Variants in TBC1D16 observed in about 807,000 individuals in gnomAD.
The protein encoded by TBC1D16 is CTD-2529O21.1.
In TBC1D16, 58 loss-of-function variants were observed where a neutral mutation model predicts 74.7. That is an observed-to-expected ratio of 0.78 (90% CI 0.63 to 0.97). The LOEUF (loss-of-function observed/expected upper bound fraction) is 0.97, where lower values mean the gene tolerates loss of function less well. TBC1D16 is among the 50% of genes least tolerant of loss of function. TBC1D16 has a pLI of 0.00. For missense variants in TBC1D16, 1,014 were observed against 1,079.5 expected (o/e 0.94, Z 0.85); for synonymous variants, 493 against 474.7 (o/e 1.04, Z -0.50).
At chr17:79,978,364 G>A (rs2144233379) in intron 3 of TBC1D16, among the ~76,000 whole-genome samples, 1 of 152,326 alleles carries the variant, frequency 6.6e-6, no homozygotes, top group East Asian at 1.9e-4. Flanking sequence ...GGAGGAAGCG[G>A]GCAGGCACAT....
At chr17:79,947,035 C>T (rs1233972150) in intron 9 of TBC1D16, among the ~76,000 whole-genome samples, 2 of 152,228 alleles carry the variant, frequency 1.3e-5, no homozygotes, top group Non-Finnish European at 2.9e-5. Flanking sequence ...AGCCCTGGTT[C>T]GGTCCCACAC....
intron 9 of TBC1D16, among the ~76,000 whole-genome samples, chr17:79,947,030 T>C (rs1364463635): frequency 1.3e-5 from 2 of 152,232 alleles, no homozygotes; most frequent in Non-Finnish European, 2.9e-5. Context: ...GGCTCAGCCC[T>C]GGTTCGGTCC....
In TBC1D16 at chr17:80,018,407, G is replaced by C. The variant is rs1021156000; in HGVS notation, c.-62-4798C>G. On this transcript the variant is annotated intron_variant, in intron 1 of 11. Transcript: ENST00000310924. ...CGCCATTCTCCTGCTTCAGCCTCCC[G>C]AGTAGCTGGGACTACAGGCGCCCGC... Among the ~76,000 whole-genome samples the C allele has an allele frequency of 9.4e-5, 14 of 148,730 alleles. 1 individual carries two copies. The highest frequency in any genetic ancestry group is 2.9e-4 in the African/African-American group (11 of 38,522).
In TBC1D16 at chr17:79,933,207, G is replaced by A. The variant is rs2031364888; in HGVS notation, c.*7652C>T. The A allele has an allele frequency of 6.6e-6, 1 of 152,242 alleles. No individual in the cohort carries two copies. The highest frequency in any genetic ancestry group is 2.1e-4 in the South Asian group (1 of 4,832). The allele number at this position is 152,242 out of a possible 1,614,324, so 9.4% of individuals were successfully genotyped here. ...GGGCATGGAAGTGGCCACAGGTCTG[G>A]ACTTCTCTGGGTGGATGTGAGGGAG... is the stretch of plus-strand genomic sequence containing the variant. On this transcript the variant is annotated 3_prime_UTR_variant, in exon 12 of 12. Transcript: ENST00000310924.
Position 80,013,581 on chromosome 17 carries a change from C to A in TBC1D16, c.-34G>T. ...AAGTGTTTCCATCCTCCGCATGCGT[C>A]GGCCCGGGCAGGGCTCGTCAAGACC... On this transcript the variant is annotated 5_prime_UTR_variant, in exon 2 of 12. Coordinates refer to ENST00000310924, the MANE Select transcript of TBC1D16 (RefSeq NM_019020.4). 6.8e-7 allele frequency: 1 copy of A among 1,460,030 alleles called. No individual in the cohort carries two copies. Among genetic ancestry groups the A allele is most frequent in the South Asian group, 1.4e-5 (1 of 69,876 alleles). The allele number at this position is 1,460,030 out of a possible 1,614,324, so 90.4% of individuals were successfully genotyped here. A position where few individuals can be genotyped will look rare whatever the true frequency, so the allele number is the denominator to read the frequency against.
intron 1 of TBC1D16, among the ~76,000 whole-genome samples, chr17:80,018,472 T>C (rs973505725): frequency 2.7e-5 from 4 of 149,380 alleles, no homozygotes; most frequent in South Asian, 2.1e-4. Flanking sequence ...TTAGTAGAGA[T>C]GGGGTTTCAC....
At position 79,983,507 on chromosome 17, in the gene TBC1D16, A is replaced by G. The variant is rs1007719103; in HGVS notation, c.779+26653T>C. On this transcript the variant is annotated intron_variant, in intron 3 of 11. Coordinates refer to ENST00000310924, the MANE Select transcript of TBC1D16 (RefSeq NM_019020.4). The surrounding 1 kb of genome is among the most constrained non-coding windows in gnomAD (Gnocchi z 5.6). ...ACAGCCATGGAGACAGTGTCCCCCTATTGGAGTGAGCACCCGCAGCACCTC... is the reference window on the plus strand; with the variant it reads ...ACAGCCATGGAGACAGTGTCCCCCTGTTGGAGTGAGCACCCGCAGCACCTC... 1.3e-5 allele frequency among the ~76,000 whole-genome samples: 2 copies of G among 152,214 alleles called. No individual in the cohort carries two copies. Among genetic ancestry groups the G allele is most frequent in the African/African-American group, 2.4e-5 (1 of 41,464 alleles).
intron 3 of TBC1D16, among the ~76,000 whole-genome samples, chr17:79,959,275 C>T (rs2033486217): frequency 1.3e-5 from 2 of 152,074 alleles, no homozygotes; most frequent in South Asian, 4.2e-4. Flanking sequence ...AGAAATGCAC[C>T]ATGTCCATAG....
chr17:79,973,206 C>T (rs1285296), intron 3 of TBC1D16, among the ~76,000 whole-genome samples: 130,296 of 152,232 alleles, frequency 0.86, 56,093 homozygotes, highest in East Asian at 0.95. Flanking sequence ...ACTATGTTTT[C>T]CCTATACATA....
At chr17:80,017,674 C>T (rs2036138926) in intron 1 of TBC1D16, among the ~76,000 whole-genome samples, 2 of 117,258 alleles carry the variant, frequency 1.7e-5, no homozygotes, top group African/African-American at 6.7e-5. Flanking sequence ...GAGCAAGACT[C>T]CATCTCAAAA....
chr17:79,952,976 T>C (rs1387062511), intron 3 of TBC1D16, 158 bp from the exon 4 acceptor site: 14 of 741,836 alleles, frequency 1.9e-5, no homozygotes, highest in Admixed American at 1.5e-4. Flanking sequence ...TGTGAATAAA[T>C]GAATGTATGA....
chr17:80,004,886 G>A (rs1431465961), intron 3 of TBC1D16, among the ~76,000 whole-genome samples: 4 of 152,140 alleles, frequency 2.6e-5, no homozygotes, highest in East Asian at 3.9e-4. Context: ...TGTTGACCAC[G>A]CTGGCCTCCA....
At chr17:79,997,862 C>T (rs752546606) in intron 3 of TBC1D16, among the ~76,000 whole-genome samples, 4 of 152,184 alleles carry the variant, frequency 2.6e-5, no homozygotes, top group South Asian at 2.1e-4. Context: ...CGGTGGCTCA[C>T]GCCTGTAATC....
rs1457962336 is a variant in TBC1D16 at position 79,961,600 on chromosome 17, G to A, written c.780-8782C>T. 2.0e-5 allele frequency among the ~76,000 whole-genome samples: 3 copies of A among 152,174 alleles called. No homozygotes were observed. Among genetic ancestry groups the A allele is most frequent in the African/African-American group, 7.2e-5 (3 of 41,436 alleles). On this transcript the variant is annotated intron_variant, in intron 3 of 11. Transcript: ENST00000310924. The surrounding 1 kb of genome is among the most constrained non-coding windows in gnomAD (Gnocchi z 4.8). ...GAACTGGCCAGGCACAGTGGCTCAC[G>A]CCTATAATCCCAGCACTTTGGGAGG... is the stretch of plus-strand genomic sequence containing the variant.
intron 8 of TBC1D16, 47 bp from the exon 9 acceptor site, chr17:79,947,878 G>A (rs757672523): frequency 7.9e-6 from 12 of 1,527,750 alleles, no homozygotes; most frequent in Admixed American, 1.7e-5. Context: ...CCCTCACCGC[G>A]GCACACTGCC....
At position 79,942,180 on chromosome 17, in the gene TBC1D16, G is replaced by A. The variant is rs201112018; in HGVS notation, c.1935C>T (p.Cys645=). 46 of 1,605,952 alleles carry A rather than the reference G, an allele frequency of 2.9e-5. No individual in the cohort carries two copies. The East Asian group carries it at 4.9e-4, about 17-fold the overall frequency. The part of the protein sequence containing the change: ...YQTDYFHLFI[C]VAIVAIYGDD... ...CCCCGTAGATGGCCACGATGGCCACGCAGATGAAAAGGTGGAAGTAGTCCG... is the reference window on the plus strand; with the variant it reads ...CCCCGTAGATGGCCACGATGGCCACACAGATGAAAAGGTGGAAGTAGTCCG... The change falls in exon 11 of 12, where the codon TGC becomes TGT. Residue 645 remains cysteine (C), a synonymous_variant. Coordinates refer to ENST00000310924, the MANE Select transcript of TBC1D16 (RefSeq NM_019020.4).
rs955960039 is a variant in TBC1D16, at chr17:79,956,586, C to T, written c.780-3768G>A. Among the ~76,000 whole-genome samples the T allele has an allele frequency of 9.2e-5, 14 of 152,192 alleles. No individual in the cohort carries two copies. The highest frequency in any genetic ancestry group is 1.8e-4 in the Non-Finnish European group (12 of 68,014). On this transcript the variant is annotated intron_variant, in intron 3 of 11. Transcript: ENST00000310924. This position sits in a 1 kb window ranked among gnomAD's most constrained non-coding sequence, Gnocchi z 4.0. The stretch of plus-strand genomic sequence containing the variant: ...CGCTTTAAGTTGCTGAGTTTGAGGG[C>T]GGTTTGTTTCACAGCAACGGATCAC...
In TBC1D16 at chr17:80,001,045, T is replaced by G. The variant is rs917357443; in HGVS notation, c.779+9115A>C. Among the ~76,000 whole-genome samples, 78 of 152,212 alleles carry G rather than the reference T, an allele frequency of 5.1e-4. No individual in the cohort carries two copies. Among genetic ancestry groups the G allele is most frequent in the African/African-American group, 1.8e-3 (73 of 41,468 alleles). ...GAGGGGCAGCCAGGGAGGGGACCAGTGCTCGGCTGGGCGCCTGCTTGGCTT... is the reference window on the plus strand; with the variant it reads ...GAGGGGCAGCCAGGGAGGGGACCAGGGCTCGGCTGGGCGCCTGCTTGGCTT... On this transcript the variant is annotated intron_variant, in intron 3 of 11. Coordinates refer to ENST00000310924, the MANE Select transcript of TBC1D16 (RefSeq NM_019020.4). This position sits in a 1 kb window ranked among gnomAD's most constrained non-coding sequence, Gnocchi z 5.8.
At chr17:79,977,770 G>T (rs778688192) in intron 3 of TBC1D16, among the ~76,000 whole-genome samples, 34 of 152,258 alleles carry the variant, frequency 2.2e-4, no homozygotes, top group Non-Finnish European at 4.3e-4. Flanking sequence ...CCGAGAGGCT[G>T]GACTCTGCCA....
Sources: allele counts gnomAD v4.1 joint callset (sites outside exome capture counted in the v4.1 genomes callset), GRCh38; gene constraint gnomAD v4.1.1; non-coding constraint Gnocchi (gnomAD v3.1); transcripts MANE v1.5; gene names NCBI Gene and HGNC (gene_info 2026-07-23, HGNC 2026-07-21).